Variants in SGCZ observed in about 807,000 individuals in gnomAD.
SGCZ encodes sarcoglycan zeta.
In SGCZ, 40 loss-of-function variants were observed where a neutral mutation model predicts 41.3. The observed-to-expected ratio is 0.97, with a 90% confidence interval of 0.75 to 1.26. The LOEUF (loss-of-function observed/expected upper bound fraction) is 1.26. SGCZ is among the 50% of genes most tolerant of loss of function. The pLI is 0.00. For missense variants in SGCZ, 552 were observed against 369.8 expected, an observed-to-expected ratio of 1.49 and a Z score of -4.04; for synonymous variants, 206 against 137.5, an observed-to-expected ratio of 1.50 and a Z score of -3.49.
intron 1 of SGCZ, among the ~76,000 whole-genome samples, chr8:14,919,849 C>T (rs564398087): frequency 2.7e-4 from 41 of 152,180 alleles, no homozygotes; most frequent in African/African-American, 9.4e-4. Context: ...GCCCAGGAGG[C>T]AGAGGTTGCA....
intron 1 of SGCZ, among the ~76,000 whole-genome samples, chr8:14,878,254 A>G (rs1010822988): frequency 6.6e-6 from 1 of 150,694 alleles, no homozygotes; most frequent in Non-Finnish European, 1.5e-5. Context: ...ACAATTCGAC[A>G]CTTACTATTC....
chr8:14,119,176 G>A (rs1172835300), intron 5 of SGCZ, among the ~76,000 whole-genome samples: 3 of 152,148 alleles, frequency 2.0e-5, no homozygotes, highest in East Asian at 1.9e-4. Flanking sequence ...TTATGATACT[G>A]ATTCTTCTTA....
intron 1 of SGCZ, among the ~76,000 whole-genome samples, chr8:14,836,560 AT>A (rs1251726004): frequency 6.6e-6 from 1 of 152,152 alleles, no homozygotes; most frequent in Non-Finnish European, 1.5e-5. Flanking sequence ...TTGCAGTGGC[AT>A]GATCTTGGCT....
intron 4 of SGCZ, among the ~76,000 whole-genome samples, chr8:14,178,075 A>G (rs1804608920): frequency 7.0e-6 from 1 of 143,738 alleles, no homozygotes; most frequent in African/African-American, 2.6e-5. Flanking sequence ...CTCGTGCCTC[A>G]GCCTCCCTAG....
At chr8:14,553,480 T>C (rs1354518276) in intron 2 of SGCZ, among the ~76,000 whole-genome samples, 1 of 152,064 alleles carries the variant, frequency 6.6e-6, no homozygotes, top group Non-Finnish European at 1.5e-5. Flanking sequence ...GTTTCTTATT[T>C]GATGAATACT....
At chr8:15,124,545 A>T (rs1360953476) in intron 1 of SGCZ, among the ~76,000 whole-genome samples, 1 of 152,198 alleles carries the variant, frequency 6.6e-6, no homozygotes, top group African/African-American at 2.4e-5. Context: ...GGATTTTAAA[A>T]TAAGCCTTCT....
At chr8:14,328,580 A>C (rs1802203144) in intron 2 of SGCZ, among the ~76,000 whole-genome samples, 1 of 152,218 alleles carries the variant, frequency 6.6e-6, no homozygotes, top group Non-Finnish European at 1.5e-5. Context: ...AACTATTATT[A>C]ACATTTTACT....
At chr8:15,209,750 A>C (rs1198245674) in intron 1 of SGCZ, among the ~76,000 whole-genome samples, 1 of 143,814 alleles carries the variant, frequency 7.0e-6, no homozygotes, top group Non-Finnish European at 1.5e-5. Context: ...AATGACAGAT[A>C]CCAGTAGTTG....
chr8:14,348,157 C>A (rs987679804), intron 2 of SGCZ, among the ~76,000 whole-genome samples: 2 of 151,988 alleles, frequency 1.3e-5, no homozygotes, highest in Non-Finnish European at 2.9e-5. Flanking sequence ...CAATTCACAC[C>A]CCAGACAAAC....
chr8:14,732,050 G>A (rs1359328612), intron 1 of SGCZ, among the ~76,000 whole-genome samples: 1 of 152,182 alleles, frequency 6.6e-6, no homozygotes, highest in African/African-American at 2.4e-5. Context: ...ACAACTTGTT[G>A]AGCTTTCTCT....
At chr8:14,528,082 T>A (rs1803009182) in intron 2 of SGCZ, among the ~76,000 whole-genome samples, 1 of 152,060 alleles carries the variant, frequency 6.6e-6, no homozygotes, top group Non-Finnish European at 1.5e-5. Flanking sequence ...CAAACTAGAT[T>A]CAAATGTAGA....
intron 2 of SGCZ, among the ~76,000 whole-genome samples, chr8:14,452,889 G>T (rs1306420236): frequency 6.6e-6 from 1 of 152,158 alleles, no homozygotes; most frequent in Non-Finnish European, 1.5e-5. Flanking sequence ...GATCATTTGA[G>T]ATCAGGAGTT....
chr8:14,635,062 A>G (rs1336421786), intron 1 of SGCZ, among the ~76,000 whole-genome samples: 1 of 131,574 alleles, frequency 7.6e-6, no homozygotes, highest in Non-Finnish European at 1.7e-5. Context: ...AAATAGTATT[A>G]TAATTTAAAA....
At chr8:14,702,839 A>T (rs1194502006) in intron 1 of SGCZ, among the ~76,000 whole-genome samples, 2 of 97,950 alleles carry the variant, frequency 2.0e-5, no homozygotes, top group Non-Finnish European at 5.0e-5. Flanking sequence ...ATAGATAGAT[A>T]GATAGATAGA....
At position 15,178,518 on chromosome 8, in the gene SGCZ, A is replaced by C. The variant is rs183902677; in HGVS notation, c.39+59067T>G. 1.0e-3 allele frequency among the ~76,000 whole-genome samples: 158 copies of C among 152,320 alleles called. 1 individual carries two copies. The highest frequency in any genetic ancestry group is 3.4e-3 in the Admixed American group (52 of 15,300). ...AATAAATTAGATAAGCTGACTTTCT[A>C]GAAACTACCTGTGCCCCTTATTCTT... On this transcript the variant is annotated intron_variant, in intron 1 of 7. Coordinates refer to ENST00000382080, the MANE Select transcript of SGCZ (RefSeq NM_139167.4).
At chr8:14,220,786 A>AAAACAAACAAAC (rs78591142) in intron 4 of SGCZ, among the ~76,000 whole-genome samples, 1,745 of 150,862 alleles carry the variant, frequency 0.012, 25 homozygotes, top group African/African-American at 0.032. Flanking sequence ...TACTCTGCCA[A>AAAACAAACAAAC]AAACAAACAA....
chr8:15,021,332 T>C (rs1314554129), intron 1 of SGCZ, among the ~76,000 whole-genome samples: 4 of 152,126 alleles, frequency 2.6e-5, no homozygotes, highest in Non-Finnish European at 1.5e-5. Context: ...TGGAAAAAAA[T>C]ATTGCCTTGT....
intron 1 of SGCZ, among the ~76,000 whole-genome samples, chr8:15,195,846 C>T (rs1289883537): frequency 6.6e-6 from 1 of 150,942 alleles, no homozygotes; most frequent in Non-Finnish European, 1.5e-5. Context: ...CTAATAGCTA[C>T]TCTTTATAAA....
At chr8:14,655,050 C>T (rs1452847490) in intron 1 of SGCZ, among the ~76,000 whole-genome samples, 7 of 151,822 alleles carry the variant, frequency 4.6e-5, no homozygotes, top group Non-Finnish European at 1.0e-4. Flanking sequence ...ATTTTTTTCC[C>T]CAGAGCAATT....
Sources: gnomAD v4.1 joint callset for allele counts (sites outside exome capture counted in the v4.1 genomes callset) on GRCh38, gnomAD v4.1.1 for gene constraint, MANE v1.5 for transcripts, NCBI Gene and HGNC (gene_info 2026-07-23, HGNC 2026-07-21) for gene names.